Variants in EPB41L4A observed in about 807,000 individuals in gnomAD.
EPB41L4A encodes the protein erythrocyte membrane protein band 4.1 like 4A, also known as band 4.1-like protein 4A.
In EPB41L4A, 100 loss-of-function variants were observed where a neutral mutation model predicts 108.6. The observed-to-expected ratio is 0.92, with a 90% confidence interval of 0.78 to 1.09. The LOEUF is 1.09. Among genes scored for constraint, EPB41L4A ranks in the 50% least tolerant of loss-of-function variants. The pLI, the probability that EPB41L4A is intolerant of heterozygous loss-of-function variation, is 0.00. For missense variants in EPB41L4A, 1,030 were observed against 842.7 expected (o/e 1.22, Z -2.75); for synonymous variants, 319 against 289.0 (o/e 1.10, Z -1.05).
chr5:112,367,407 T>C (rs1345419202), intron 1 of EPB41L4A, among the ~76,000 whole-genome samples: 1 of 152,228 alleles, frequency 6.6e-6, no homozygotes, highest in Non-Finnish European at 1.5e-5. Context: ...CTTCTGTTTA[T>C]ACAAATGCCC....
chr5:112,394,918 C>A (rs1290665100), intron 1 of EPB41L4A, among the ~76,000 whole-genome samples: 1 of 152,128 alleles, frequency 6.6e-6, no homozygotes, highest in African/African-American at 2.4e-5. Flanking sequence ...TGGAACAGAA[C>A]AGAGCCCTCA....
intron 12 of EPB41L4A, among the ~76,000 whole-genome samples, chr5:112,149,589 A>G (rs1458466783): frequency 2.0e-5 from 3 of 152,224 alleles, no homozygotes; most frequent in Non-Finnish European, 2.9e-5. Flanking sequence ...AGCCCTTCTA[A>G]TGTTCTTAAA....
intron 1 of EPB41L4A, among the ~76,000 whole-genome samples, chr5:112,326,179 T>C (rs887561445): frequency 3.9e-5 from 6 of 152,102 alleles, no homozygotes; most frequent in Non-Finnish European, 5.9e-5. Context: ...AATTAAACTA[T>C]ACACCAAACC....
intron 9 of EPB41L4A, among the ~76,000 whole-genome samples, chr5:112,242,428 G>C (rs547852871): frequency 6.6e-6 from 1 of 152,294 alleles, no homozygotes; most frequent in Non-Finnish European, 1.5e-5. Flanking sequence ...CAGCAATTAA[G>C]TTATACCATC....
At chr5:112,293,447 T>C (rs116530874) in intron 2 of EPB41L4A, among the ~76,000 whole-genome samples, 3,392 of 152,228 alleles carry the variant, frequency 0.022, 66 homozygotes, top group Non-Finnish European at 0.031. Context: ...AAGATAGAAT[T>C]CAGCCCTTCA....
chr5:112,360,485 G>C (rs1364171233), intron 1 of EPB41L4A, among the ~76,000 whole-genome samples: 3 of 152,208 alleles, frequency 2.0e-5, no homozygotes, highest in Non-Finnish European at 2.9e-5. Context: ...ATGTTGGCCG[G>C]GCTGGTCTCC....
At chr5:112,232,964 A>G (rs1749061184) in intron 12 of EPB41L4A, among the ~76,000 whole-genome samples, 1 of 152,220 alleles carries the variant, frequency 6.6e-6, no homozygotes, top group Admixed American at 6.5e-5. Flanking sequence ...CTTCACAGTA[A>G]AATTCTGTGA....
chr5:112,208,867 T>G (rs551653353), intron 13 of EPB41L4A, among the ~76,000 whole-genome samples: 7 of 152,328 alleles, frequency 4.6e-5, no homozygotes, highest in African/African-American at 1.7e-4. Flanking sequence ...CAGATGAAGC[T>G]GAATCTCTAT....
At chr5:112,225,319 T>C (rs1189978292) in intron 12 of EPB41L4A, among the ~76,000 whole-genome samples, 1 of 152,198 alleles carries the variant, frequency 6.6e-6, no homozygotes, top group Non-Finnish European at 1.5e-5. Context: ...GCCCCTCTCC[T>C]TGAAGACTCT....
intron 15 of EPB41L4A, chr5:112,196,914 T>G: frequency 6.6e-6 from 1 of 152,284 alleles, no homozygotes; most frequent in Non-Finnish European, 1.5e-5. Context: ...CAAATGATTT[T>G]GTTTTCTCCT....
rs568964357 is a variant in EPB41L4A at position 112,344,586 on chromosome 5, A to G, written c.100-37096T>C. On this transcript the variant is annotated intron_variant, in intron 1 of 22. Transcript: ENST00000261486. Reference sequence around the variant, plus strand: ...CTATGTAGGTGTGATTGAAGTCTATAAGCTGTTTACGAGATTATCCTAGAC... The same window carrying G: ...CTATGTAGGTGTGATTGAAGTCTATGAGCTGTTTACGAGATTATCCTAGAC... Among the ~76,000 whole-genome samples, 5 of 152,352 alleles carry G rather than the reference A, an allele frequency of 3.3e-5. No homozygotes were observed. In the South Asian group the frequency reaches 1.0e-3, roughly 32 times the overall value.
At chr5:112,193,458 C>T (rs866842411) in intron 17 of EPB41L4A, among the ~76,000 whole-genome samples, 3 of 152,154 alleles carry the variant, frequency 2.0e-5, no homozygotes, top group Non-Finnish European at 4.4e-5. Flanking sequence ...TGTGCCACCA[C>T]GCCCAGCTAA....
At chr5:112,294,492 A>C (rs574679071) in intron 2 of EPB41L4A, among the ~76,000 whole-genome samples, 20 of 152,316 alleles carry the variant, frequency 1.3e-4, no homozygotes, top group Non-Finnish European at 2.4e-4. Flanking sequence ...AGACACAAAC[A>C]ATGTTGTATT....
upstream of EPB41L4A, chr5:112,419,599 T>C (rs1438092764): frequency 6.6e-6 from 3 of 454,580 alleles, no homozygotes; most frequent in Admixed American, 4.7e-5. Flanking sequence ...CCGCCGAGTA[T>C]GAAGCGCTCG....
rs747980822 is a variant in EPB41L4A, at chr5:112,212,288, G to GTTTTTTT, written c.1088-2307_1088-2306insAAAAAAA. ...CAGTAGGTGTGCCCTACCATTAGTT[G>GTTTTTTT]TTTTTGTTTTTTTTTTTCTCCTGAG... On this transcript the variant is annotated intron_variant, in intron 12 of 22. Transcript: ENST00000261486. Among the ~76,000 whole-genome samples the GTTTTTTT allele has an allele frequency of 2.9e-5, 4 of 139,822 alleles. 1 individual carries two copies. The highest frequency in any genetic ancestry group is 4.6e-5 in the Non-Finnish European group (3 of 64,554). 91.7% of individuals were successfully genotyped at this position (139,822 alleles called of 152,430 possible).
intron 2 of EPB41L4A, among the ~76,000 whole-genome samples, chr5:112,302,381 A>AT (rs1754423014): frequency 6.6e-6 from 1 of 152,094 alleles, no homozygotes; most frequent in Non-Finnish European, 1.5e-5. Context: ...TCTCAGAAAC[A>AT]TTTTTTAAAA....
At chr5:112,169,781 T>C (rs1760467143) in intron 20 of EPB41L4A, among the ~76,000 whole-genome samples, 2 of 152,176 alleles carry the variant, frequency 1.3e-5, no homozygotes, top group African/African-American at 4.8e-5. Context: ...GCAGCATAGC[T>C]ACAGAAGGGA....
chr5:112,241,800 G>A (rs1371638792), intron 9 of EPB41L4A, among the ~76,000 whole-genome samples: 1 of 152,148 alleles, frequency 6.6e-6, no homozygotes, highest in Non-Finnish European at 1.5e-5. Context: ...GATACTATAG[G>A]TTCAGCTGCA....
chr5:112,194,713 G>T (rs751815803), intron 16 of EPB41L4A, 68 bp from the exon 17 acceptor site: 2 of 954,858 alleles, frequency 2.1e-6, no homozygotes, highest in Admixed American at 2.5e-5. Context: ...TTTCAGAAAG[G>T]TTTATATGGG....
Sources: allele counts gnomAD v4.1 joint callset (sites outside exome capture counted in the v4.1 genomes callset), GRCh38; gene constraint gnomAD v4.1.1; transcripts MANE v1.5; gene names NCBI Gene and HGNC (gene_info 2026-07-23, HGNC 2026-07-21).